Variants in DIAPH3 observed in about 807,000 individuals in gnomAD.
DIAPH3 encodes protein diaphanous homolog 3.
DIAPH3 carries 117 observed loss-of-function variants against 144.3 expected under a neutral mutation model. That is an observed-to-expected ratio of 0.81 (90% CI 0.70 to 0.95). The LOEUF (loss-of-function observed/expected upper bound fraction) is 0.95, where lower values mean the gene tolerates loss of function less well. DIAPH3 is among the 40% of genes least tolerant of loss of function. The probability of loss-of-function intolerance (pLI) is 0.00; values close to 1 mark genes in which losing one functional copy is unlikely to be tolerated. For synonymous variants in DIAPH3, 519 were observed against 488.9 expected, an observed-to-expected ratio of 1.06 and a Z score of -0.81; for missense variants, 1,421 against 1,412.7, an observed-to-expected ratio of 1.01 and a Z score of -0.09.
intron 27 of DIAPH3, 96 bp downstream of exon 27, chr13:59,774,093 G>A: frequency 8.2e-7 from 1 of 1,223,766 alleles, no homozygotes; most frequent in Non-Finnish European, 1.2e-6. Flanking sequence ...TAGTTATATT[G>A]GAACTTGAGA....
intron 12 of DIAPH3, among the ~76,000 whole-genome samples, chr13:59,984,172 G>A (rs1225924004): frequency 6.6e-6 from 1 of 151,630 alleles, no homozygotes; most frequent in Non-Finnish European, 1.5e-5. Flanking sequence ...AGCTGAAAGT[G>A]AAGTGATAAG....
At chr13:60,033,763 T>G (rs2054981842) in intron 5 of DIAPH3, among the ~76,000 whole-genome samples, 1 of 152,210 alleles carries the variant, frequency 6.6e-6, no homozygotes, top group Non-Finnish European at 1.5e-5. Flanking sequence ...CAATTATTAT[T>G]TATGAAATTT....
chr13:60,083,452 T>C (rs2057633230), intron 4 of DIAPH3, among the ~76,000 whole-genome samples: 1 of 151,966 alleles, frequency 6.6e-6, no homozygotes, highest in African/African-American at 2.4e-5. Flanking sequence ...AATATAATAC[T>C]TCTTATGATC....
At chr13:60,047,323 T>G (rs1397799658) in intron 4 of DIAPH3, among the ~76,000 whole-genome samples, 1 of 151,862 alleles carries the variant, frequency 6.6e-6, no homozygotes, top group Non-Finnish European at 1.5e-5. Context: ...TCCCATCAAG[T>G]GTTTTGTAGA....
At chr13:59,844,503 C>CA (rs11402186) in intron 22 of DIAPH3, among the ~76,000 whole-genome samples, 78,480 of 127,340 alleles carry the variant, frequency 0.62, 23,196 homozygotes, top group Admixed American at 0.71. Flanking sequence ...GACTCCATCC[C>CA]AAAAAAAAAA....
intron 25 of DIAPH3, among the ~76,000 whole-genome samples, chr13:59,808,495 G>A (rs2040304592): frequency 6.6e-6 from 1 of 151,980 alleles, no homozygotes; most frequent in Non-Finnish European, 1.5e-5. Context: ...GAAAATTAAA[G>A]TTATGCTTCT....
chr13:59,955,707 G>C (rs1300582180), intron 17 of DIAPH3, among the ~76,000 whole-genome samples: 1 of 152,122 alleles, frequency 6.6e-6, no homozygotes, highest in African/African-American at 2.4e-5. Flanking sequence ...TAGAGACTTG[G>C]AGGGCTCAGA....
chr13:59,694,169 G>A (rs765067224), intron 27 of DIAPH3, among the ~76,000 whole-genome samples: 2 of 152,034 alleles, frequency 1.3e-5, no homozygotes, highest in Non-Finnish European at 2.9e-5. Flanking sequence ...AAAAATAATC[G>A]AAGAATGGAC....
At chr13:60,127,501 C>A (rs1432236403) in intron 2 of DIAPH3, among the ~76,000 whole-genome samples, 1 of 151,038 alleles carries the variant, frequency 6.6e-6, no homozygotes, top group African/African-American at 2.4e-5. Flanking sequence ...AAAACAAAAA[C>A]ATATACACAA....
chr13:59,988,310 A>G (rs1390127355), intron 12 of DIAPH3, among the ~76,000 whole-genome samples: 2 of 151,924 alleles, frequency 1.3e-5, no homozygotes, highest in Non-Finnish European at 2.9e-5. Flanking sequence ...ACATACATTT[A>G]AACACATTTA....
intron 9 of DIAPH3, among the ~76,000 whole-genome samples, chr13:60,004,739 A>C (rs1222303220): frequency 6.6e-6 from 1 of 152,198 alleles, no homozygotes; most frequent in Non-Finnish European, 1.5e-5. Context: ...AACTATATCA[A>C]GAAATTTATT....
intron 17 of DIAPH3, among the ~76,000 whole-genome samples, chr13:59,932,011 G>A (rs2048044546): frequency 6.6e-6 from 1 of 152,060 alleles, no homozygotes; most frequent in Non-Finnish European, 1.5e-5. Context: ...CTTATTCCCA[G>A]AATTTAAAAC....
chr13:59,935,946 A>ACTGT (rs1307853881), intron 17 of DIAPH3, among the ~76,000 whole-genome samples: 23 of 152,340 alleles, frequency 1.5e-4, no homozygotes, highest in Non-Finnish European at 2.5e-4. Context: ...AATCATAAAA[A>ACTGT]ATGTAGCAGA....
chr13:59,769,311 G>T (rs2038005984), intron 27 of DIAPH3, among the ~76,000 whole-genome samples: 1 of 152,112 alleles, frequency 6.6e-6, no homozygotes, highest in Non-Finnish European at 1.5e-5. Flanking sequence ...GAAAACCAAA[G>T]TCTTCTTTCA....
At chr13:60,121,969 T>G (rs1200457866) in intron 2 of DIAPH3, among the ~76,000 whole-genome samples, 5 of 152,108 alleles carry the variant, frequency 3.3e-5, no homozygotes, top group Admixed American at 2.0e-4. Flanking sequence ...CCTCCATCTC[T>G]TCACTGCCCT....
At chr13:59,785,327 T>C (rs1326876739) in intron 25 of DIAPH3, among the ~76,000 whole-genome samples, 2 of 152,216 alleles carry the variant, frequency 1.3e-5, no homozygotes, top group African/African-American at 4.8e-5. Flanking sequence ...AAAATTAGAA[T>C]ATTTTACAAG....
At chr13:59,756,468 A>AGAAGGAAGGAAGGAAGGAGG (rs2037274578) in intron 27 of DIAPH3, among the ~76,000 whole-genome samples, 4 of 92,292 alleles carry the variant, frequency 4.3e-5, no homozygotes, top group African/African-American at 8.2e-5. Context: ...AAGGAAGGAA[A>AGAAGGAAGGAAGGAAGGAGG]GAAGGAAGGA....
intron 1 of DIAPH3, among the ~76,000 whole-genome samples, chr13:60,155,204 C>T (rs1951965273): frequency 6.6e-6 from 1 of 152,132 alleles, no homozygotes; most frequent in African/African-American, 2.4e-5. Flanking sequence ...TGCAAGGTTT[C>T]ACCATGTAAT....
At chr13:59,864,678 A>G (rs1436836832) in intron 21 of DIAPH3, among the ~76,000 whole-genome samples, 2 of 152,062 alleles carry the variant, frequency 1.3e-5, no homozygotes, top group African/African-American at 4.8e-5. Context: ...TGTAGTTTGT[A>G]GCAACTTAGT....
Sources: gnomAD v4.1 joint callset for allele counts (sites outside exome capture counted in the v4.1 genomes callset) on GRCh38, gnomAD v4.1.1 for gene constraint, MANE v1.5 for transcripts, NCBI Gene and HGNC (gene_info 2026-07-23, HGNC 2026-07-21) for gene names.